The following EXOC4 variants were observed in gnomAD, a reference collection of about 807,000 sequenced individuals.
EXOC4 encodes the protein SEC8-like 1.
Under a neutral mutation model 107.2 loss-of-function variants are expected in EXOC4, and 71 were observed. That is an observed-to-expected ratio of 0.66 (90% confidence interval 0.55 to 0.81). The LOEUF (loss-of-function observed/expected upper bound fraction) is 0.81. EXOC4 is among the 30% of genes least tolerant of loss of function. The pLI is 0.00. For missense variants in EXOC4, 1,108 were observed against 1,189.6 expected (o/e 0.93, Z 1.01); for synonymous variants, 456 against 441.2 (o/e 1.03, Z -0.42).
At chr7:134,096,368 T>G in the EXOC4 span, among the ~76,000 whole-genome samples, 1 of 152,178 alleles carries the variant, frequency 6.6e-6, no homozygotes, top group Non-Finnish European at 1.5e-5. Context: ...TTGAATGTGA[T>G]TTTCTTCTCT....
At chr7:133,817,998 C>T (rs1585171227) in intron 11 of EXOC4, among the ~76,000 whole-genome samples, 1 of 152,260 alleles carries the variant, frequency 6.6e-6, no homozygotes, top group East Asian at 1.9e-4. Flanking sequence ...GAATTTGAAC[C>T]AGTAAACTGA....
chr7:133,438,392 A>G (rs895291566), intron 7 of EXOC4, among the ~76,000 whole-genome samples: 4 of 152,050 alleles, frequency 2.6e-5, no homozygotes, highest in South Asian at 2.1e-4. Context: ...TTTCCTTGCC[A>G]TCTTGATTTT....
chr7:133,615,844 T>C (rs1349659271), intron 9 of EXOC4, among the ~76,000 whole-genome samples: 1 of 152,190 alleles, frequency 6.6e-6, no homozygotes, highest in East Asian at 1.9e-4. Flanking sequence ...AAAACAACAT[T>C]TAAAAAGCAG....
At chr7:133,440,225 A>G (rs1022011321) in intron 7 of EXOC4, among the ~76,000 whole-genome samples, 3 of 152,058 alleles carry the variant, frequency 2.0e-5, no homozygotes, top group African/African-American at 7.2e-5. Flanking sequence ...TCATGTTTTC[A>G]CTGGATCTGA....
At chr7:133,916,465 A>G (rs879323461) in intron 12 of EXOC4, among the ~76,000 whole-genome samples, 3 of 151,032 alleles carry the variant, frequency 2.0e-5, no homozygotes, top group African/African-American at 7.4e-5. Context: ...GAGAAGGTCA[A>G]TCTGTGTTGC....
At chr7:133,763,630 T>C (rs969138560) in intron 10 of EXOC4, among the ~76,000 whole-genome samples, 2 of 151,910 alleles carry the variant, frequency 1.3e-5, no homozygotes, top group Non-Finnish European at 2.9e-5. Context: ...CTGTTGTTAC[T>C]GTCATATAGG....
the EXOC4 span, among the ~76,000 whole-genome samples, chr7:134,080,752 C>A: frequency 2.0e-5 from 3 of 151,802 alleles, no homozygotes; most frequent in Non-Finnish European, 4.4e-5. Context: ...CCAGCCCAGG[C>A]AACATAGCAA....
At chr7:133,653,411 G>A (rs536389017) in intron 10 of EXOC4, among the ~76,000 whole-genome samples, 43 of 152,300 alleles carry the variant, frequency 2.8e-4, no homozygotes, top group Middle Eastern at 3.4e-3. Flanking sequence ...GTAAAACTGT[G>A]TATCAAGAGT....
At chr7:134,035,491 A>G (rs1032187486) in intron 17 of EXOC4, among the ~76,000 whole-genome samples, 26 of 152,246 alleles carry the variant, frequency 1.7e-4, no homozygotes, top group African/African-American at 6.0e-4. Flanking sequence ...AAATATAACC[A>G]TAAAATACTA....
rs59601566 is a variant in EXOC4 at position 133,772,526 on chromosome 7, TAAAA to T, written c.1515-44788_1515-44785del. 6.6e-3 allele frequency among the ~76,000 whole-genome samples: 997 copies of T among 150,148 alleles called. 8 individuals are homozygous for T. The highest frequency in any genetic ancestry group is 0.024 in the East Asian group (124 of 5,102). ...CACATGTACCCTAAAACTTAAAGTA[TAAAA>T]AAAAAAAAAACCTTAAATTTGAATA... On this transcript the variant is annotated intron_variant, in intron 10 of 17. Transcript: ENST00000253861.
chr7:133,682,480 A>C (rs1794208724), intron 10 of EXOC4, among the ~76,000 whole-genome samples: 1 of 152,072 alleles, frequency 6.6e-6, no homozygotes, highest in South Asian at 2.1e-4. Context: ...CATGATTCTG[A>C]GGCCTCCCCA....
intron 11 of EXOC4, among the ~76,000 whole-genome samples, chr7:133,850,823 C>G (rs57234431): frequency 0.12 from 17,946 of 152,090 alleles, 1,169 homozygotes; most frequent in Middle Eastern, 0.15. Context: ...AAATCTGTTT[C>G]CCTGTAATTT....
At chr7:133,948,765 G>A (rs4728303) in intron 14 of EXOC4, among the ~76,000 whole-genome samples, 26 of 152,008 alleles carry the variant, frequency 1.7e-4, no homozygotes, top group Non-Finnish European at 3.7e-4. Flanking sequence ...CAAGGCATGA[G>A]CATGAAATGC....
intron 14 of EXOC4, among the ~76,000 whole-genome samples, chr7:133,964,971 C>A (rs1212297609): frequency 6.6e-6 from 1 of 152,176 alleles, no homozygotes; most frequent in African/African-American, 2.4e-5. Flanking sequence ...TCCTATTTCT[C>A]CACATCCCCT....
At chr7:133,590,024 G>A (rs139373339) in intron 9 of EXOC4, among the ~76,000 whole-genome samples, 44 of 152,122 alleles carry the variant, frequency 2.9e-4, no homozygotes, top group Admixed American at 1.2e-3. Context: ...AGAAAAGAGG[G>A]GGTTCCTGCT....
chr7:133,506,836 T>G (rs1255158040), intron 9 of EXOC4, among the ~76,000 whole-genome samples: 2 of 152,120 alleles, frequency 1.3e-5, no homozygotes, highest in African/African-American at 2.4e-5. Flanking sequence ...TTTTTTGCAT[T>G]TATTTGACAT....
rs555102438 is a variant in EXOC4 at position 133,502,505 on chromosome 7, CT to C, written c.1417+22371del. Among the ~76,000 whole-genome samples the C allele has an allele frequency of 1.8e-4, 27 of 152,004 alleles. No individual in the cohort carries two copies. In the South Asian group the frequency reaches 5.6e-3, roughly 32 times the overall value. On this transcript the variant is annotated intron_variant, in intron 9 of 17. Coordinates refer to ENST00000253861, the MANE Select transcript of EXOC4 (RefSeq NM_021807.4). Reference sequence around the variant, plus strand: ...TTTTTCTTGTTAGAAAAGAGAGCTTCTTTTCTAAATGCTAATTTGCTTTTTT... The same window carrying C: ...TTTTTCTTGTTAGAAAAGAGAGCTTCTTTCTAAATGCTAATTTGCTTTTTT...
At chr7:133,297,277 T>C (rs1052454820) in intron 3 of EXOC4, among the ~76,000 whole-genome samples, 2 of 152,216 alleles carry the variant, frequency 1.3e-5, no homozygotes, top group Admixed American at 1.3e-4. Flanking sequence ...ACTTAGTTTT[T>C]AAATGAGATG....
chr7:133,287,397 G>A (rs1349104545), intron 2 of EXOC4, among the ~76,000 whole-genome samples: 1 of 151,940 alleles, frequency 6.6e-6, no homozygotes, highest in Non-Finnish European at 1.5e-5. Context: ...TGCAAGCTCT[G>A]CCTCCCAGGT....
Sources: gnomAD v4.1 joint callset for allele counts (sites outside exome capture counted in the v4.1 genomes callset) on GRCh38, gnomAD v4.1.1 for gene constraint, MANE v1.5 for transcripts, NCBI Gene and HGNC (gene_info 2026-07-23, HGNC 2026-07-21) for gene names.